The following CACNG5 variants were observed in gnomAD, a reference collection of about 807,000 sequenced individuals.
The protein encoded by CACNG5 is voltage-dependent calcium channel gamma-5 subunit.
A neutral mutation model predicts 24.8 loss-of-function variants in CACNG5; 18 were observed. That is an observed-to-expected ratio of 0.73 (90% CI 0.50 to 1.08). CACNG5 has a LOEUF of 1.08. Among genes scored for constraint, CACNG5 ranks in the 50% least tolerant of loss-of-function variants. CACNG5 has a pLI of 0.00. For missense variants in CACNG5, 349 were observed against 367.9 expected (o/e 0.95, Z 0.42); for synonymous variants, 157 against 149.1 (o/e 1.05, Z -0.39).
At position 66,890,207 on chromosome 17, in the gene CACNG5, T is replaced by A; in HGVS notation, c.*4967T>A. Among the ~76,000 whole-genome samples the A allele has an allele frequency of 6.6e-6, 1 of 152,230 alleles. No individual in the cohort carries two copies. The highest frequency in any genetic ancestry group is 1.9e-4 in the East Asian group (1 of 5,204). ...CCTGTGCCTGAGGCCCGGCTAGCAC[T>A]GTGAGTGTGGGTTCATCCATGGTAG... On this transcript the variant is annotated 3_prime_UTR_variant, in exon 6 of 6. Coordinates refer to ENST00000533854, the MANE Select transcript of CACNG5 (RefSeq NM_145811.3).
At chr17:66,882,976 A>C (rs79317300) in intron 4 of CACNG5, among the ~76,000 whole-genome samples, 5 of 131,728 alleles carry the variant, frequency 3.8e-5, no homozygotes, top group African/African-American at 9.0e-5. Context: ...TCCATCCATC[A>C]ATCCATCCAT....
In CACNG5 at chr17:66,885,249, C is replaced by A. The variant is rs762743115; in HGVS notation, c.*9C>A. 7.8e-5 allele frequency: 122 copies of A among 1,566,142 alleles called. 9 individuals are homozygous for A. In the South Asian group the frequency reaches 1.4e-3, roughly 18 times the overall value. ...CCTCTTCACCCTGCTGAGCCTCGGC[C>A]GCCCCCATCCCTGGACTGTGGGTGG... On this transcript the variant is annotated 3_prime_UTR_variant, in exon 6 of 6. Coordinates refer to ENST00000533854, the MANE Select transcript of CACNG5 (RefSeq NM_145811.3).
chr17:66,890,163 G>A lies in CACNG5; in HGVS notation c.*4923G>A, dbSNP rs545274207. ...AGTAGGTGCACAGGTGGATGGATGA[G>A]TGGATTCTGTCTAATGCACCTGTGC... On this transcript the variant is annotated 3_prime_UTR_variant, in exon 6 of 6. Transcript: ENST00000533854. Among the ~76,000 whole-genome samples the A allele has an allele frequency of 2.8e-4, 43 of 152,372 alleles. No homozygotes were observed. Among genetic ancestry groups the A allele is most frequent in the African/African-American group, 9.9e-4 (41 of 41,588 alleles).
At chr17:66,857,065 G>GT (rs56153121) in intron 1 of CACNG5, among the ~76,000 whole-genome samples, 11,636 of 94,132 alleles carry the variant, frequency 0.12, 1,652 homozygotes, top group Non-Finnish European at 0.17. Context: ...CAATTTTTAA[G>GT]TTTTTTTTTT....
At chr17:66,870,014 C>T (rs911117617) in intron 1 of CACNG5, among the ~76,000 whole-genome samples, 3 of 151,308 alleles carry the variant, frequency 2.0e-5, no homozygotes, top group Non-Finnish European at 2.9e-5. Flanking sequence ...ACCCGGGAGG[C>T]GGAGGTTGCA....
At chr17:66,859,946 T>C (rs1976832026) in intron 1 of CACNG5, among the ~76,000 whole-genome samples, 1 of 151,970 alleles carries the variant, frequency 6.6e-6, no homozygotes, top group African/African-American at 2.4e-5. Flanking sequence ...GGTTCGTCCA[T>C]CCACCCGCAT....
rs1300594404 is a variant in CACNG5, at chr17:66,877,126, G to A, written c.-103-104G>A. On this transcript the variant is annotated intron_variant, in intron 1 of 5. Transcript: ENST00000533854. ...TTAGGGGGAGGGTGGCACCTCTGTT[G>A]CAGTGACCTGGTGTCCAGGGGGTTG... 3 of 553,386 alleles carry A rather than the reference G, an allele frequency of 5.4e-6. No homozygotes were observed. The African/African-American group carries it at 5.7e-5, about 10-fold the overall frequency. 34.3% of individuals were successfully genotyped at this position (553,386 alleles called of 1,614,324 possible).
At chr17:66,843,469 C>T (rs138437697) in intron 1 of CACNG5, among the ~76,000 whole-genome samples, 82 of 152,276 alleles carry the variant, frequency 5.4e-4, no homozygotes, top group Admixed American at 2.6e-3. Flanking sequence ...GGAAATGAGA[C>T]CTATCTCCGT....
At chr17:66,872,837 A>G (rs1468328171) in intron 1 of CACNG5, among the ~76,000 whole-genome samples, 3 of 152,206 alleles carry the variant, frequency 2.0e-5, no homozygotes, top group Non-Finnish European at 2.9e-5. Context: ...GCCCTATAGT[A>G]TCAAACGAGA....
intron 1 of CACNG5, among the ~76,000 whole-genome samples, chr17:66,846,769 C>T (rs1215825501): frequency 6.6e-6 from 1 of 152,170 alleles, no homozygotes; most frequent in Non-Finnish European, 1.5e-5. Context: ...TTTCAATTCT[C>T]TTGGGTATAT....
At chr17:66,850,696 T>C (rs1976701614) in intron 1 of CACNG5, among the ~76,000 whole-genome samples, 1 of 152,114 alleles carries the variant, frequency 6.6e-6, no homozygotes, top group Admixed American at 6.5e-5. Flanking sequence ...AGGCAGGTTT[T>C]CCTCCTCTCC....
chr17:66,844,724 G>A lies in CACNG5; in HGVS notation c.-104+9474G>A, dbSNP rs183951284. On this transcript the variant is annotated intron_variant, in intron 1 of 5. Transcript: ENST00000533854. ...GTTCCTACTTTGGATTTCCCATACT[G>A]AGTGCTCTACTGAATGTCTACGAGG... is the stretch of plus-strand genomic sequence containing the variant. Among the ~76,000 whole-genome samples the A allele has an allele frequency of 2.0e-5, 3 of 152,286 alleles. No homozygotes were observed. In the East Asian group the frequency reaches 5.8e-4, roughly 29 times the overall value.
rs1339158838 is a variant in CACNG5, at chr17:66,893,058, C to G, written c.*7818C>G. 6.6e-6 allele frequency among the ~76,000 whole-genome samples: 1 copy of G among 152,196 alleles called. No homozygotes were observed. Among genetic ancestry groups the G allele is most frequent in the African/African-American group, 2.4e-5 (1 of 41,446 alleles). ...ATAATAGGTATTTTGCAAGCATTAT[C>G]TCATGTAACCCTTTCCATCCTGTAC... On this transcript the variant is annotated 3_prime_UTR_variant, in exon 6 of 6. Transcript: ENST00000533854.
intron 1 of CACNG5, among the ~76,000 whole-genome samples, chr17:66,836,097 T>G (rs1976479818): frequency 6.6e-6 from 1 of 152,318 alleles, no homozygotes; most frequent in South Asian, 2.1e-4. Context: ...TCTGACTAGC[T>G]TCTCCAGGGC....
At chr17:66,843,370 G>A (rs975760148) in intron 1 of CACNG5, among the ~76,000 whole-genome samples, 5 of 152,208 alleles carry the variant, frequency 3.3e-5, no homozygotes, top group Admixed American at 2.0e-4. Context: ...CAGTTTGGAC[G>A]GAAGTTGCTC....
At chr17:66,858,399 G>A (rs1406756031) in intron 1 of CACNG5, among the ~76,000 whole-genome samples, 6 of 152,124 alleles carry the variant, frequency 3.9e-5, no homozygotes, top group Non-Finnish European at 8.8e-5. Flanking sequence ...CTGTATTATT[G>A]ATGAGGCTCT....
In CACNG5 at chr17:66,877,612, G is replaced by C. The variant is rs1028040782; in HGVS notation, c.196+84G>C. The C allele has an allele frequency of 3.6e-5, 43 of 1,181,974 alleles. No individual in the cohort carries two copies. The African/African-American group carries it at 6.2e-4, about 17-fold the overall frequency. 73.2% of individuals were successfully genotyped at this position (1,181,974 alleles called of 1,614,324 possible). A position where few individuals can be genotyped will look rare whatever the true frequency, so the allele number is the denominator to read the frequency against. ...TCCCTCCCTGGGAAGAGATGGCCAA[G>C]AGATGCTGGAAGGAGACCATTCACC... is the stretch of plus-strand genomic sequence containing the variant. On this transcript the variant is annotated intron_variant, in intron 2 of 5. Transcript: ENST00000533854.
At chr17:66,881,378 T>G (rs1354987336) in intron 4 of CACNG5, among the ~76,000 whole-genome samples, 2 of 152,172 alleles carry the variant, frequency 1.3e-5, no homozygotes, top group African/African-American at 4.8e-5. Flanking sequence ...AAACACAATC[T>G]GCCTTTGGAA....
At chr17:66,858,992 G>A (rs1174589536) in intron 1 of CACNG5, among the ~76,000 whole-genome samples, 2 of 152,174 alleles carry the variant, frequency 1.3e-5, no homozygotes, top group East Asian at 1.9e-4. Context: ...CATGAGAAGC[G>A]ATGGCCTTTG....
Sources: gnomAD v4.1 joint callset for allele counts (sites outside exome capture counted in the v4.1 genomes callset) on GRCh38, gnomAD v4.1.1 for gene constraint, MANE v1.5 for transcripts, NCBI Gene and HGNC (gene_info 2026-07-23, HGNC 2026-07-21) for gene names.